ASXL3: variants seen among roughly 807,000 people sequenced by gnomAD.
The protein encoded by ASXL3 is putative Polycomb group protein ASXL3.
ASXL3 carries 34 observed loss-of-function variants against 170.6 expected under a neutral mutation model. The observed-to-expected ratio is 0.20, with a 90% CI of 0.15 to 0.27. The LOEUF (loss-of-function observed/expected upper bound fraction) is 0.27. Ranked by LOEUF, ASXL3 falls within the 10% of genes least tolerant of loss-of-function variation. ASXL3 has a pLI of 1.00. For synonymous variants in ASXL3, 1,002 were observed against 989.1 expected (o/e 1.01, Z -0.24); for missense variants, 2,592 against 2,695.3 (o/e 0.96, Z 0.85).
intron 7 of ASXL3, among the ~76,000 whole-genome samples, chr18:33,677,091 A>G (rs920877560): frequency 6.6e-6 from 1 of 152,206 alleles, no homozygotes; most frequent in African/African-American, 2.4e-5. Flanking sequence ...CTAAGCTTCT[A>G]ATGGATGTCT....
At chr18:33,696,893 T>C (rs779923731) in intron 8 of ASXL3, among the ~76,000 whole-genome samples, 20 of 152,144 alleles carry the variant, frequency 1.3e-4, no homozygotes, top group Admixed American at 3.9e-4. Context: ...AGAATCAATC[T>C]CTGCTCCTCA....
Position 33,743,478 on chromosome 18 carries a change from A to G in ASXL3, c.3630A>G (p.Ser1210=). 1 of 1,613,640 alleles carries G rather than the reference A, an allele frequency of 6.2e-7. No homozygotes were observed. ...VHSSDENIPV[S]HLSEKIVSST... is the part of the protein sequence containing the mutation. ...GTTCTGATGAAAACATACCTGTGTCACATTTATCTGAGAAAATTGTTTCAT... is the reference window on the plus strand; with the variant it reads ...GTTCTGATGAAAACATACCTGTGTCGCATTTATCTGAGAAAATTGTTTCAT... Residue 1210 remains serine, a synonymous_variant, in exon 12 of 12, where the codon TCA becomes TCG. Transcript: ENST00000269197.
At chr18:33,669,633 C>T (rs1330308548) in intron 5 of ASXL3, among the ~76,000 whole-genome samples, 2 of 152,080 alleles carry the variant, frequency 1.3e-5, no homozygotes, top group Non-Finnish European at 2.9e-5. Context: ...TTTTTGATAG[C>T]AAGGGGAAAT....
chr18:33,718,267 C>T (rs1237650588), intron 8 of ASXL3, among the ~76,000 whole-genome samples: 1 of 152,062 alleles, frequency 6.6e-6, no homozygotes, highest in Non-Finnish European at 1.5e-5. Flanking sequence ...TTATGTATCC[C>T]ATAGACCCAT....
intron 1 of ASXL3, among the ~76,000 whole-genome samples, chr18:33,593,377 T>C (rs1048177050): frequency 2.0e-5 from 3 of 150,584 alleles, no homozygotes; most frequent in African/African-American, 7.3e-5. Flanking sequence ...TTCCCATCCA[T>C]TGAGGGCTCA....
At chr18:33,600,744 A>G (rs1335338440) in intron 1 of ASXL3, among the ~76,000 whole-genome samples, 10 of 152,242 alleles carry the variant, frequency 6.6e-5, no homozygotes, top group African/African-American at 2.4e-4. Context: ...TTCATCTGCA[A>G]ATTCAGGGAA....
In ASXL3 at chr18:33,748,238, G is replaced by A. The variant is rs1353817709; in HGVS notation, c.*1643G>A. On this transcript the variant is annotated 3_prime_UTR_variant, in exon 12 of 12. Transcript: ENST00000269197. ...GTAAAACACGTCTTAAAAGTTGACT[G>A]GAATGAGCAGAAATTACATTCCTGA... The A allele has an allele frequency of 1.3e-5, 2 of 152,104 alleles. No individual in the cohort carries two copies. The highest frequency in any genetic ancestry group is 1.3e-4 in the Admixed American group (2 of 15,266). 9.4% of individuals were successfully genotyped at this position (152,104 alleles called of 1,614,324 possible).
chr18:33,682,081 G>A (rs2066524176), intron 7 of ASXL3, among the ~76,000 whole-genome samples: 1 of 152,132 alleles, frequency 6.6e-6, no homozygotes, highest in Non-Finnish European at 1.5e-5. Context: ...TTTAAAACAA[G>A]GATTGGCAAA....
chr18:33,610,499 C>T (rs1599392494), intron 2 of ASXL3, among the ~76,000 whole-genome samples: 1 of 152,080 alleles, frequency 6.6e-6, no homozygotes, highest in East Asian at 1.9e-4. Context: ...AATCTGTACT[C>T]AAAGCAAGGC....
intron 2 of ASXL3, among the ~76,000 whole-genome samples, chr18:33,636,049 A>C (rs981134553): frequency 1.3e-5 from 2 of 152,206 alleles, no homozygotes. Context: ...CATGAGAGAT[A>C]TGCAAAGTAT....
At chr18:33,589,240 G>A (rs2065058674) in intron 1 of ASXL3, among the ~76,000 whole-genome samples, 1 of 152,094 alleles carries the variant, frequency 6.6e-6, no homozygotes, top group Non-Finnish European at 1.5e-5. Context: ...GTAAAGAGTG[G>A]TTGCAATATT....
At chr18:33,579,060 C>T (rs1415146211) in intron 1 of ASXL3, 1 of 157,958 alleles carries the variant, frequency 6.3e-6, no homozygotes, top group Admixed American at 6.4e-5. Flanking sequence ...CCCTCCCGGC[C>T]CCTCCACCCC....
At chr18:33,639,732 C>T (rs949079732) in intron 2 of ASXL3, among the ~76,000 whole-genome samples, 1 of 152,056 alleles carries the variant, frequency 6.6e-6, no homozygotes, top group Non-Finnish European at 1.5e-5. Context: ...TATAGTCTAT[C>T]TAATGATATC....
intron 7 of ASXL3, among the ~76,000 whole-genome samples, chr18:33,677,692 A>G (rs1267785629): frequency 3.9e-5 from 6 of 152,212 alleles, no homozygotes; most frequent in Admixed American, 3.9e-4. Flanking sequence ...TTGTTTAACC[A>G]TAATTCCTAT....
chr18:33,601,795 AG>A (rs1568271298), intron 1 of ASXL3, among the ~76,000 whole-genome samples: 34 of 143,642 alleles, frequency 2.4e-4, no homozygotes, highest in Non-Finnish European at 3.1e-4. Context: ...GTATATATAT[AG>A]TTTGTTTGTT....
rs2145436776 is a variant in ASXL3, at chr18:33,746,396, A to G, written c.6548A>G (p.Asn2183Ser). 1.9e-6 allele frequency: 3 copies of G among 1,613,904 alleles called. No individual in the cohort carries two copies. The highest frequency in any genetic ancestry group is 1.1e-5 in the South Asian group (1 of 91,086). Reference sequence around the variant, plus strand: ...ATTGGGATTTTGGGAAGTGGCTCCAATCCTGCCACAGGCTTGTCTGGTCAG... The same window carrying G: ...ATTGGGATTTTGGGAAGTGGCTCCAGTCCTGCCACAGGCTTGTCTGGTCAG... ...KSIGILGSGS[N>S]PATGLSGQNA... The change falls in exon 12 of 12, where the codon AAT becomes AGT. Residue 2183 changes from asparagine to serine, a missense_variant. This residue lies in a region of ASXL3 where 2,246 missense variants were observed against 2,219.6 expected (regional missense o/e 1.01). Coordinates refer to ENST00000269197, the MANE Select transcript of ASXL3 (RefSeq NM_030632.3).
intron 8 of ASXL3, among the ~76,000 whole-genome samples, chr18:33,730,611 T>TGGCATGGTGATGTAACTGTACATC (rs567227260): frequency 1.7e-3 from 261 of 152,232 alleles, no homozygotes; most frequent in African/African-American, 5.9e-3. Context: ...GGTGGGACAT[T>TGGCATGGTGATGTAACTGTACATC]GGCATGGTGA....
rs1046676465 is a variant in ASXL3 at position 33,750,182 on chromosome 18, G to A, written c.*3587G>A. On this transcript the variant is annotated 3_prime_UTR_variant, in exon 12 of 12. Coordinates refer to ENST00000269197, the MANE Select transcript of ASXL3 (RefSeq NM_030632.3). Reference sequence around the variant, plus strand: ...CGTTCCCAGAGAACAATTGTGAAGAGTCCTAGAACAGGAACTCTGAATCAG... The same window carrying A: ...CGTTCCCAGAGAACAATTGTGAAGAATCCTAGAACAGGAACTCTGAATCAG... The A allele has an allele frequency of 6.6e-6, 1 of 152,212 alleles. No individual in the cohort carries two copies. Among genetic ancestry groups the A allele is most frequent in the Admixed American group, 6.5e-5 (1 of 15,282 alleles). 9.4% of individuals were successfully genotyped at this position (152,212 alleles called of 1,614,324 possible).
chr18:33,612,777 C>T (rs980007800), intron 2 of ASXL3, among the ~76,000 whole-genome samples: 3 of 151,946 alleles, frequency 2.0e-5, no homozygotes, highest in African/African-American at 4.8e-5. Flanking sequence ...TCTTTCTTGC[C>T]GCTGCAATGT....
Sources: allele counts gnomAD v4.1 joint callset (sites outside exome capture counted in the v4.1 genomes callset), GRCh38; gene constraint gnomAD v4.1.1; regional missense constraint gnomAD v4.1.1; transcripts MANE v1.5; gene names NCBI Gene and HGNC (gene_info 2026-07-23, HGNC 2026-07-21).